BMPR1A: variants seen among roughly 807,000 people sequenced by gnomAD.
BMPR1A encodes the protein bone morphogenetic protein receptor type 1A.
A neutral mutation model predicts 66.0 loss-of-function variants in BMPR1A; 7 were observed. The observed-to-expected ratio is 0.11, with a 90% CI of 0.06 to 0.20. The LOEUF (loss-of-function observed/expected upper bound fraction) is 0.20. Ranked by LOEUF, BMPR1A falls within the 10% of genes least tolerant of loss-of-function variation. The pLI is 1.00. For missense variants in BMPR1A, 408 were observed against 669.1 expected, an observed-to-expected ratio of 0.61 and a Z score of 4.31; for synonymous variants, 200 against 229.7, an observed-to-expected ratio of 0.87 and a Z score of 1.17.
At chr10:86,866,550 A>G (rs1842790665) in intron 2 of BMPR1A, among the ~76,000 whole-genome samples, 1 of 151,686 alleles carries the variant, frequency 6.6e-6, no homozygotes, top group South Asian at 2.1e-4. Flanking sequence ...CTGGGTTTGC[A>G]GGTGCCTGCC....
chr10:86,847,296 T>A (rs1842501024), intron 2 of BMPR1A, among the ~76,000 whole-genome samples: 1 of 152,032 alleles, frequency 6.6e-6, no homozygotes, highest in Non-Finnish European at 1.5e-5. Flanking sequence ...ATTCCTAACT[T>A]TATCTTCCAG....
intron 2 of BMPR1A, chr10:86,855,543 G>T: frequency 2.2e-6 from 1 of 450,260 alleles, no homozygotes; most frequent in Non-Finnish European, 4.0e-6. Context: ...TCTATTTTTT[G>T]AAAATAGTAT....
chr10:86,855,205 C>T (rs1043715796), intron 2 of BMPR1A: 51 of 758,190 alleles, frequency 6.7e-5, no homozygotes, highest in Non-Finnish European at 9.1e-5. Context: ...CACCCTGCGT[C>T]GCTAAGTTTT....
chr10:86,859,682 C>T (rs1290216463), intron 2 of BMPR1A, among the ~76,000 whole-genome samples: 1 of 152,068 alleles, frequency 6.6e-6, no homozygotes, highest in East Asian at 1.9e-4. Context: ...TGCTGGCATG[C>T]GCCTGTAGTC....
chr10:86,780,991 C>T (rs1564682101), intron 1 of BMPR1A, among the ~76,000 whole-genome samples: 1 of 152,218 alleles, frequency 6.6e-6, no homozygotes, highest in East Asian at 1.9e-4. Flanking sequence ...GTGTGAGCCA[C>T]CGTGCCTGGC....
At chr10:86,757,584 G>C (rs1847897738) in intron 1 of BMPR1A, among the ~76,000 whole-genome samples, 1 of 152,202 alleles carries the variant, frequency 6.6e-6, no homozygotes, top group Non-Finnish European at 1.5e-5. Context: ...AAAATAATAT[G>C]CTGTGTGTTA....
intron 2 of BMPR1A, among the ~76,000 whole-genome samples, chr10:86,867,198 C>A (rs1266500233): frequency 6.6e-6 from 1 of 152,068 alleles, no homozygotes; most frequent in Non-Finnish European, 1.5e-5. Flanking sequence ...TGCTGTAAAA[C>A]CTGAAGTTTT....
chr10:86,921,954 TA>T (rs1252983293), intron 11 of BMPR1A, among the ~76,000 whole-genome samples: 7 of 152,224 alleles, frequency 4.6e-5, no homozygotes, highest in African/African-American at 1.7e-4. Flanking sequence ...AGTGTACAAT[TA>T]AATTATTACT....
At chr10:86,907,476 A>G (rs1004114971) in intron 7 of BMPR1A, among the ~76,000 whole-genome samples, 1 of 152,208 alleles carries the variant, frequency 6.6e-6, no homozygotes, top group African/African-American at 2.4e-5. Flanking sequence ...CAATCCCACT[A>G]TTTGGTATAT....
chr10:86,910,675 T>C (rs1843468469), intron 7 of BMPR1A, among the ~76,000 whole-genome samples: 1 of 152,208 alleles, frequency 6.6e-6, no homozygotes, highest in African/African-American at 2.4e-5. Flanking sequence ...CAATTACCCA[T>C]ATAAAGTTTT....
At chr10:86,875,818 T>A in intron 2 of BMPR1A, 49 bp from the exon 3 acceptor site, 1 of 598,914 alleles carries the variant, frequency 1.7e-6, no homozygotes, top group Admixed American at 3.0e-5. Flanking sequence ...TTGAAAAATT[T>A]CCAAAATTCA....
intron 2 of BMPR1A, among the ~76,000 whole-genome samples, chr10:86,859,921 A>G (rs963866314): frequency 1.3e-5 from 2 of 152,232 alleles, no homozygotes; most frequent in African/African-American, 2.4e-5. Flanking sequence ...AATCCAGCCT[A>G]CAGTTTTATC....
chr10:86,895,009 C>T (rs1052935589), intron 5 of BMPR1A, among the ~76,000 whole-genome samples: 27 of 152,184 alleles, frequency 1.8e-4, no homozygotes, highest in Admixed American at 4.6e-4. Context: ...TAGTCAACCC[C>T]TCCTAGTTTA....
At position 86,806,807 on chromosome 10, in the gene BMPR1A, C is replaced by G. The variant is rs146493917; in HGVS notation, c.-267-32058C>G. ...TCAAGGGATCTGCCTGTGTCGGCCTCCCAAAGTCCTGGGATTACAGGCATG... is the reference window on the plus strand; with the variant it reads ...TCAAGGGATCTGCCTGTGTCGGCCTGCCAAAGTCCTGGGATTACAGGCATG... On this transcript the variant is annotated intron_variant, in intron 1 of 12. Transcript: ENST00000372037. 2.6e-5 allele frequency among the ~76,000 whole-genome samples: 4 copies of G among 152,192 alleles called. No individual in the cohort carries two copies. In the East Asian group the frequency reaches 7.7e-4, roughly 29 times the overall value.
chr10:86,872,894 A>G (rs1842869641), intron 2 of BMPR1A, among the ~76,000 whole-genome samples: 1 of 152,204 alleles, frequency 6.6e-6, no homozygotes, highest in Non-Finnish European at 1.5e-5. Flanking sequence ...CTGAGATTAC[A>G]GGCGGTCACC....
At position 86,799,494 on chromosome 10, in the gene BMPR1A, CTTCCTTCCTTCCTTTCT is replaced by C. The variant is rs1266311472; in HGVS notation, c.-267-39368_-267-39352del. Reference sequence around the variant, plus strand: ...TCTTCCTTCCTTCCTTCCTTCCTTCCTTCCTTCCTTCCTTTCTTTTCTTTTCTTTTCTTTTCTTTCTT... The same window carrying C: ...TCTTCCTTCCTTCCTTCCTTCCTTCCTTTCTTTTCTTTTCTTTTCTTTCTT... On this transcript the variant is annotated intron_variant, in intron 1 of 12. Coordinates refer to ENST00000372037, the MANE Select transcript of BMPR1A (RefSeq NM_004329.3). Among the ~76,000 whole-genome samples, 640 of 111,478 alleles carry C rather than the reference CTTCCTTCCTTCCTTTCT, an allele frequency of 5.7e-3. 4 individuals carry two copies. The highest frequency in any genetic ancestry group is 0.023 in the African/African-American group (573 of 25,416). The allele number at this position is 111,478 out of a possible 152,430, so 73.1% of individuals were successfully genotyped here. A position where few individuals can be genotyped will look rare whatever the true frequency, so the allele number is the denominator to read the frequency against.
chr10:86,801,208 C>T (rs1231945966), intron 1 of BMPR1A, among the ~76,000 whole-genome samples: 2 of 151,898 alleles, frequency 1.3e-5, no homozygotes, highest in South Asian at 2.1e-4. Context: ...GGTGCTATCA[C>T]GGGCTCACTG....
At chr10:86,866,400 T>TTTTTTTTTTTTC (rs1564707591) in intron 2 of BMPR1A, among the ~76,000 whole-genome samples, 8 of 75,610 alleles carry the variant, frequency 1.1e-4, no homozygotes, top group African/African-American at 5.2e-4. Flanking sequence ...AGTTTCTTTC[T>TTTTTTTTTTTTC]TTTTTTTTTT....
intron 2 of BMPR1A, among the ~76,000 whole-genome samples, chr10:86,862,445 G>C (rs1842723977): frequency 6.6e-6 from 1 of 152,186 alleles, no homozygotes; most frequent in Non-Finnish European, 1.5e-5. Context: ...CTTTTTGTCT[G>C]AGTGAGTTGG....
Sources: allele counts gnomAD v4.1 joint callset (sites outside exome capture counted in the v4.1 genomes callset), GRCh38; gene constraint gnomAD v4.1.1; transcripts MANE v1.5; gene names NCBI Gene and HGNC (gene_info 2026-07-23, HGNC 2026-07-21).